Variants in CACNA1I observed in about 807,000 individuals in gnomAD.
CACNA1I encodes voltage-dependent T-type calcium channel subunit alpha-1I.
Under a neutral mutation model 201.6 loss-of-function variants are expected in CACNA1I, and 74 were observed. That is an observed-to-expected ratio of 0.37 (90% confidence interval 0.30 to 0.45). CACNA1I has a LOEUF of 0.45. Ranked by LOEUF, CACNA1I falls within the 20% of genes least tolerant of loss-of-function variation. The pLI is 1.00. For missense variants in CACNA1I, 2,346 were observed against 3,138.1 expected, an observed-to-expected ratio of 0.75 and a Z score of 6.03; for synonymous variants, 1,431 against 1,345.2, an observed-to-expected ratio of 1.06 and a Z score of -1.40.
rs1200065688 is a variant in CACNA1I, at chr22:39,662,203, C to A, written c.3140C>A (p.Ala1047Glu). The change falls in exon 17 of 37, where the codon GCG (alanine) becomes GAG (glutamate). Residue 1047 changes from alanine to glutamate, a missense_variant. Transcript: ENST00000402142. Reference sequence around the variant, plus strand: ...CACATTCATCACGGGCCCCATCTGGCGCACCGCCACCGCCACCACCGCCGG... The same window carrying A: ...CACATTCATCACGGGCCCCATCTGGAGCACCGCCACCGCCACCACCGCCGG... Reference protein sequence around the residue: ...AHHIHHGPHLAHRHRHHRRTL... With the variant: ...AHHIHHGPHLEHRHRHHRRTL... 6.5e-7 allele frequency: 1 copy of A among 1,529,062 alleles called. No individual in the cohort carries two copies. The highest frequency in any genetic ancestry group is 8.8e-7 in the Non-Finnish European group (1 of 1,141,680). 94.7% of individuals were successfully genotyped at this position (1,529,062 alleles called of 1,614,324 possible).
chr22:39,634,648 A>C lies in CACNA1I; in HGVS notation c.664A>C (p.Ile222Leu). The change falls in exon 5 of 37, where the codon ATC becomes CTC. Residue 222 changes from isoleucine to leucine, a missense_variant. Physicochemically the swap from Ile to Leu is conservative, Grantham distance 5. Coordinates refer to ENST00000402142, the MANE Select transcript of CACNA1I (RefSeq NM_021096.4). ...GCTGCTCTGCTTCTTTGTCTTCTTC[A>C]TCTTTGGCATCATAGGTGTGCAGCT... ...VLLLCFFVFF[I>L]FGIIGVQLWA... 1 of 1,613,810 alleles carries C rather than the reference A, an allele frequency of 6.2e-7. No homozygotes were observed. The highest frequency in any genetic ancestry group is 8.5e-7 in the Non-Finnish European group (1 of 1,179,880).
At chr22:39,624,687 C>T (rs962332898) in intron 4 of CACNA1I, among the ~76,000 whole-genome samples, 1 of 152,178 alleles carries the variant, frequency 6.6e-6, no homozygotes, top group African/African-American at 2.4e-5. Flanking sequence ...CCTCATTTCG[C>T]GGGACAGACA....
chr22:39,663,632 T>C (rs913833245), intron 18 of CACNA1I, 86 bp from the exon 19 acceptor site: 79 of 1,537,690 alleles, frequency 5.1e-5, no homozygotes, highest in Non-Finnish European at 6.6e-5. Context: ...CAGCGTGGTC[T>C]GCACTGCTGC....
chr22:39,602,916 C>T (rs189797664), intron 3 of CACNA1I, among the ~76,000 whole-genome samples: 2 of 152,158 alleles, frequency 1.3e-5, no homozygotes, highest in African/African-American at 4.8e-5. Context: ...TTGTGGGAGG[C>T]CGAGGCAAGA....
At chr22:39,632,905 G>A (rs2070377340) in intron 4 of CACNA1I, among the ~76,000 whole-genome samples, 1 of 151,474 alleles carries the variant, frequency 6.6e-6, no homozygotes, top group Non-Finnish European at 1.5e-5. Flanking sequence ...GCTCTCGGTG[G>A]GGTGAAGCAG....
chr22:39,684,330 C>T lies in CACNA1I; in HGVS notation c.5859C>T (p.Ala1953=). The change falls in exon 36 of 37, where the codon GCC becomes GCT. Residue 1953 remains alanine (A), a synonymous_variant. Transcript: ENST00000402142. The surrounding 1 kb of genome is among the most constrained non-coding windows in gnomAD (Gnocchi z 4.6). The part of the protein sequence containing the change: ...QAPPSPFSPD[A]SSPLLPMPAE... ...CCCCAAGTCCCTTCTCCCCGGATGC[C>T]TCCAGCCCTCTCCTGCCCATGCCAG... 1.2e-6 allele frequency: 2 copies of T among 1,613,558 alleles called. No homozygotes were observed. Among genetic ancestry groups the T allele is most frequent in the Non-Finnish European group, 1.7e-6 (2 of 1,179,842 alleles).
intron 10 of CACNA1I, among the ~76,000 whole-genome samples, chr22:39,655,959 G>A (rs1934804232): frequency 6.6e-6 from 1 of 152,160 alleles, no homozygotes; most frequent in Admixed American, 6.5e-5. Flanking sequence ...TCATCATCAC[G>A]GAGTGTCAGC....
intron 1 of CACNA1I, among the ~76,000 whole-genome samples, chr22:39,595,188 T>C (rs1486883081): frequency 1.4e-5 from 2 of 146,388 alleles, no homozygotes; most frequent in East Asian, 4.2e-4. Flanking sequence ...GCTCAGGAGG[T>C]TGAGGCAAGG....
At chr22:39,611,431 G>A (rs1358607815) in intron 3 of CACNA1I, among the ~76,000 whole-genome samples, 2 of 152,082 alleles carry the variant, frequency 1.3e-5, no homozygotes, top group Non-Finnish European at 2.9e-5. Flanking sequence ...AATATAAGCC[G>A]TTGATTTGCC....
Position 39,677,219 on chromosome 22 carries a change from A to C in CACNA1I, c.4855-122A>C. 3.1e-6 allele frequency: 2 copies of C among 641,738 alleles called. No homozygotes were observed. The highest frequency in any genetic ancestry group is 5.5e-6 in the Non-Finnish European group (2 of 360,760). 39.8% of individuals were successfully genotyped at this position (641,738 alleles called of 1,614,324 possible). A position where few individuals can be genotyped will look rare whatever the true frequency, so the allele number is the denominator to read the frequency against. ...AGACGTGGACACACAGCCTGGGGGA[A>C]TGTTACAGCTGCTCTGACCCACAGG... On this transcript the variant is annotated intron_variant, in intron 29 of 36. Coordinates refer to ENST00000402142, the MANE Select transcript of CACNA1I (RefSeq NM_021096.4). This position sits in a 1 kb window ranked among gnomAD's most constrained non-coding sequence, Gnocchi z 4.8.
Position 39,665,823 on chromosome 22 carries a change from T to G in CACNA1I, c.3979-58T>G. ...GAGTAAACGCGATCGAGAGGCGAGTTCCTCTCTGACTTGCAACCCTCACCT... is the reference window on the plus strand; with the variant it reads ...GAGTAAACGCGATCGAGAGGCGAGTGCCTCTCTGACTTGCAACCCTCACCT... On this transcript the variant is annotated intron_variant, in intron 22 of 36. Transcript: ENST00000402142. This position sits in a 1 kb window ranked among gnomAD's most constrained non-coding sequence, Gnocchi z 5.5. 1 of 1,607,874 alleles carries G rather than the reference T, an allele frequency of 6.2e-7. No individual in the cohort carries two copies. The highest frequency in any genetic ancestry group is 8.5e-7 in the Non-Finnish European group (1 of 1,175,118).
rs1158980007 is a variant in CACNA1I, at chr22:39,677,923, A to G, written c.4934-64A>G. 2 of 1,507,334 alleles carry G rather than the reference A, an allele frequency of 1.3e-6. No homozygotes were observed. Among genetic ancestry groups the G allele is most frequent in the Non-Finnish European group, 1.8e-6 (2 of 1,124,134 alleles). 93.4% of individuals were successfully genotyped at this position (1,507,334 alleles called of 1,614,324 possible). On this transcript the variant is annotated intron_variant, in intron 30 of 36. Transcript: ENST00000402142. The surrounding 1 kb of genome is among the most constrained non-coding windows in gnomAD (Gnocchi z 4.8). ...GTTCTGAGGCGAGGCGGGAGGCACC[A>G]GGTCAGGGTGAGCCCCGCAGGCACT...
intron 25 of CACNA1I, among the ~76,000 whole-genome samples, chr22:39,670,600 T>G (rs1935342792): frequency 6.6e-6 from 1 of 152,182 alleles, no homozygotes; most frequent in East Asian, 1.9e-4. Context: ...TCCTGCCTTC[T>G]TTGTCACCCT....
chr22:39,677,395 G>A lies in CACNA1I; in HGVS notation c.4909G>A (p.Gly1637Arg). 3.1e-6 allele frequency: 5 copies of A among 1,592,338 alleles called. No homozygotes were observed. The highest frequency in any genetic ancestry group is 3.3e-4 in the Middle Eastern group (2 of 6,030). The change falls in exon 30 of 37, where the codon GGG (glycine) becomes AGG (arginine). Residue 1637 changes from glycine to arginine, a missense_variant. Gly to Arg is a moderately radical substitution (Grantham distance 125). Coordinates refer to ENST00000402142, the MANE Select transcript of CACNA1I (RefSeq NM_021096.4). The surrounding 1 kb of genome is among the most constrained non-coding windows in gnomAD (Gnocchi z 4.8). ...MLLFFIYAAL[G>R]VELFGKLVCN... The stretch of plus-strand genomic sequence containing the variant: ...GCTCTTCTTCATCTATGCTGCTCTC[G>A]GGGTGGAGCTCTTTGGGAAGCTGGG...
At chr22:39,614,602 G>A (rs1005987924) in intron 3 of CACNA1I, among the ~76,000 whole-genome samples, 1 of 152,230 alleles carries the variant, frequency 6.6e-6, no homozygotes, top group Non-Finnish European at 1.5e-5. Flanking sequence ...TGGCTCACCT[G>A]GGATCACGTG....
At chr22:39,661,370 C>T in intron 16 of CACNA1I, 60 bp downstream of exon 16, 5 of 1,302,096 alleles carry the variant, frequency 3.8e-6, no homozygotes, top group Non-Finnish European at 4.1e-6. Context: ...GTGGAGGGGC[C>T]CTGAAGAGAG....
At chr22:39,607,699 C>T (rs974729801) in intron 3 of CACNA1I, among the ~76,000 whole-genome samples, 1 of 152,194 alleles carries the variant, frequency 6.6e-6, no homozygotes, top group African/African-American at 2.4e-5. Context: ...GTAAGAAGTT[C>T]TGTGATTGGC....
At chr22:39,630,312 C>T (rs1360166512) in intron 4 of CACNA1I, among the ~76,000 whole-genome samples, 1 of 152,246 alleles carries the variant, frequency 6.6e-6, no homozygotes, top group East Asian at 1.9e-4. Context: ...TTGTGTATCA[C>T]CCATGTGGTT....
Position 39,680,989 on chromosome 22 carries a change from G to T in CACNA1I, c.5601G>T (p.Leu1867=), listed in dbSNP as rs772087348. ...ACTCAGACAGGTCCTCGTCCATCCT[G>T]CTGGGTGACGACCTGAGTCTCGAGG... ...SLNSDRSSSI[L]LGDDLSLEDP... is the part of the protein sequence containing the mutation. The change falls in exon 34 of 37, where the codon CTG becomes CTT. Residue 1867 remains leucine, a synonymous_variant. Coordinates refer to ENST00000402142, the MANE Select transcript of CACNA1I (RefSeq NM_021096.4). 6 of 1,611,734 alleles carry T rather than the reference G, an allele frequency of 3.7e-6. No individual in the cohort carries two copies. The East Asian group carries it at 8.9e-5, about 24-fold the overall frequency.
Sources: gnomAD v4.1 joint callset for allele counts (sites outside exome capture counted in the v4.1 genomes callset) on GRCh38, gnomAD v4.1.1 for gene constraint, Gnocchi (gnomAD v3.1) non-coding constraint, MANE v1.5 for transcripts, NCBI Gene and HGNC (gene_info 2026-07-23, HGNC 2026-07-21) for gene names.